The following RELN variants were observed in gnomAD, a reference collection of about 807,000 sequenced individuals.
RELN encodes reelin.
In RELN, 108 loss-of-function variants were observed where a neutral mutation model predicts 427.6. That is an observed-to-expected ratio of 0.25 (90% confidence interval 0.22 to 0.30). RELN has a LOEUF of 0.30. Ranked by LOEUF, RELN falls within the 10% of genes least tolerant of loss-of-function variation. RELN has a pLI of 1.00. For synonymous variants in RELN, 1,524 were observed against 1,513.4 expected (o/e 1.01, Z -0.16); for missense variants, 3,715 against 4,302.8 (o/e 0.86, Z 3.82).
At chr7:103,644,753 T>C (rs1242423201) in intron 16 of RELN, among the ~76,000 whole-genome samples, 2 of 151,786 alleles carry the variant, frequency 1.3e-5, no homozygotes, top group African/African-American at 2.4e-5. Context: ...GCTAAAGATT[T>C]AGACATCCAG....
intron 12 of RELN, among the ~76,000 whole-genome samples, chr7:103,661,065 C>G (rs73406715): frequency 9.2e-5 from 14 of 152,180 alleles, no homozygotes; most frequent in African/African-American, 3.4e-4. Flanking sequence ...AAAAAGAAAT[C>G]GCTTTGTTTT....
intron 3 of RELN, among the ~76,000 whole-genome samples, chr7:103,800,264 C>A (rs905871125): frequency 6.6e-6 from 1 of 152,174 alleles, no homozygotes; most frequent in Non-Finnish European, 1.5e-5. Context: ...AAATCTCCTT[C>A]AGCTGATAAG....
intron 4 of RELN, among the ~76,000 whole-genome samples, chr7:103,758,846 T>A (rs1355487113): frequency 6.6e-6 from 1 of 151,662 alleles, no homozygotes; most frequent in Non-Finnish European, 1.5e-5. Flanking sequence ...GTGGGGCCTA[T>A]CCAGATGATG....
At chr7:103,674,659 C>G (rs1427220991) in intron 11 of RELN, among the ~76,000 whole-genome samples, 1 of 152,150 alleles carries the variant, frequency 6.6e-6, no homozygotes, top group Non-Finnish European at 1.5e-5. Flanking sequence ...CAAACCGAAT[C>G]TAGCAGCACA....
intron 3 of RELN, among the ~76,000 whole-genome samples, chr7:103,785,121 G>A (rs934849460): frequency 1.3e-5 from 2 of 152,112 alleles, no homozygotes; most frequent in Non-Finnish European, 2.9e-5. Flanking sequence ...ATTACAATAC[G>A]TTTCATCATT....
chr7:103,969,231 G>C (rs1796715698), intron 1 of RELN, among the ~76,000 whole-genome samples: 1 of 152,132 alleles, frequency 6.6e-6, no homozygotes, highest in Admixed American at 6.5e-5. Flanking sequence ...CCTATGAACT[G>C]TTGAAAACAA....
chr7:103,907,532 T>C (rs1441127376), intron 2 of RELN, among the ~76,000 whole-genome samples: 1 of 146,928 alleles, frequency 6.8e-6, no homozygotes, highest in African/African-American at 2.5e-5. Context: ...AGCAGATTAG[T>C]GGTGGCCTAG....
intron 31 of RELN, among the ~76,000 whole-genome samples, chr7:103,571,489 G>A (rs908050027): frequency 6.6e-6 from 1 of 152,134 alleles, no homozygotes; most frequent in East Asian, 1.9e-4. Flanking sequence ...TAGTATGATG[G>A]TTATGGCATA....
intron 2 of RELN, among the ~76,000 whole-genome samples, chr7:103,858,104 A>G (rs1793988382): frequency 6.6e-6 from 1 of 152,122 alleles, no homozygotes. Flanking sequence ...AGTTTGTTCA[A>G]TAGTCTCTAC....
At chr7:103,627,919 A>T (rs986454703) in intron 20 of RELN, 6 of 152,254 alleles carry the variant, frequency 3.9e-5, no homozygotes, top group Non-Finnish European at 8.8e-5. Context: ...TGCTGTTATC[A>T]TGCATTCAAT....
At chr7:103,577,799 T>C (rs1831038957) in intron 28 of RELN, among the ~76,000 whole-genome samples, 1 of 152,246 alleles carries the variant, frequency 6.6e-6, no homozygotes, top group Non-Finnish European at 1.5e-5. Context: ...AATTCCCTAA[T>C]ACAAGTCCTC....
chr7:103,842,259 TA>T (rs889547579), intron 2 of RELN, among the ~76,000 whole-genome samples: 85 of 133,912 alleles, frequency 6.3e-4, no homozygotes, highest in Middle Eastern at 4.0e-3. Context: ...CATCAGTTAA[TA>T]AAAAAAAAAA....
intron 6 of RELN, among the ~76,000 whole-genome samples, chr7:103,748,876 T>C (rs1431871610): frequency 1.3e-5 from 2 of 152,222 alleles, no homozygotes; most frequent in East Asian, 3.8e-4. Context: ...TTCTTCAAAG[T>C]CAGCAAAAAT....
At chr7:103,718,839 G>T (rs1331615033) in intron 8 of RELN, among the ~76,000 whole-genome samples, 1 of 152,078 alleles carries the variant, frequency 6.6e-6, no homozygotes, top group Non-Finnish European at 1.5e-5. Flanking sequence ...TTTATTCCTT[G>T]TTTGGCTAAT....
intron 5 of RELN, 54 bp from the exon 6 acceptor site, chr7:103,749,558 G>T: frequency 7.9e-7 from 1 of 1,271,800 alleles, no homozygotes; most frequent in Non-Finnish European, 1.2e-6. Context: ...AGTACATTTA[G>T]CTAAACACAA....
intron 5 of RELN, among the ~76,000 whole-genome samples, chr7:103,752,727 T>G (rs1164594561): frequency 1.3e-5 from 2 of 152,206 alleles, no homozygotes; most frequent in Non-Finnish European, 2.9e-5. Flanking sequence ...AGTTCAATTT[T>G]TAAAGAAATG....
At position 103,869,742 on chromosome 7, in the gene RELN, C is replaced by T. The variant is rs1019498230; in HGVS notation, c.338-36070G>A. On this transcript the variant is annotated intron_variant, in intron 2 of 64. Coordinates refer to ENST00000428762, the MANE Select transcript of RELN (RefSeq NM_005045.4). Reference sequence around the variant, plus strand: ...AGTTATGAATTTCTTTGTGACAAAACACTGCATAACATTTGCTGAGCTTCT... The same window carrying T: ...AGTTATGAATTTCTTTGTGACAAAATACTGCATAACATTTGCTGAGCTTCT... Among the ~76,000 whole-genome samples the T allele has an allele frequency of 2.6e-5, 4 of 152,106 alleles. No homozygotes were observed. The East Asian group carries it at 7.7e-4, about 29-fold the overall frequency.
At position 103,486,204 on chromosome 7, in the gene RELN, G is replaced by A. The variant is rs751409835; in HGVS notation, c.9976C>T (p.Arg3326Ter). The part of the protein sequence containing the change: ...QAATKPLDLT[R>*]ASKIMFVLQI... The stretch of plus-strand genomic sequence containing the variant: ...ATATGGAGGTTTGGGTACCTTGCTC[G>A]AGTGAGATCCAGAGGCTTGGTAGCT... Residue 3326 changes from arginine (R) to a stop codon, truncating the protein, a stop_gained, in exon 61 of 65, where the codon CGA becomes TGA. Transcript: ENST00000428762. LOFTEE classifies it high-confidence loss of function. 6.2e-7 allele frequency: 1 copy of A among 1,613,308 alleles called. No individual in the cohort carries two copies. Among genetic ancestry groups the A allele is most frequent in the Non-Finnish European group, 8.5e-7 (1 of 1,179,948 alleles).
Position 103,630,025 on chromosome 7 carries a change from A to G in RELN, c.2617T>C (p.Phe873Leu), listed in dbSNP as rs1314403553. 6.2e-7 allele frequency: 1 copy of G among 1,613,796 alleles called. No individual in the cohort carries two copies. Among genetic ancestry groups the G allele is most frequent in the Non-Finnish European group, 8.5e-7 (1 of 1,179,838 alleles). ...SVLFNSISLDFTNLVEVTQSL... is the reference protein window; with the variant it reads ...SVLFNSISLDLTNLVEVTQSL... The stretch of plus-strand genomic sequence containing the variant: ...TGAGTGACCTCCACAAGATTGGTAA[A>G]GTCAAGACTAATGCTGTTGAAAAGC... Residue 873 changes from phenylalanine to leucine, a missense_variant, in exon 20 of 65, where the codon TTT becomes CTT. By Grantham distance (22) the Phe-to-Leu change is conservative (BLOSUM62 0). Transcript: ENST00000428762.
Sources: gnomAD v4.1 joint callset for allele counts (sites outside exome capture counted in the v4.1 genomes callset) on GRCh38, gnomAD v4.1.1 for gene constraint, MANE v1.5 for transcripts, NCBI Gene and HGNC (gene_info 2026-07-23, HGNC 2026-07-21) for gene names.